HMGCLL1: variants seen among roughly 807,000 people sequenced by gnomAD.
HMGCLL1 encodes 3-hydroxymethyl-3-methylglutaryl-CoA lyase, cytoplasmic.
In HMGCLL1, 36 loss-of-function variants were observed where a neutral mutation model predicts 39.1. The ratio of observed to expected loss-of-function variants is 0.92; its 90% CI spans 0.71 to 1.22. The LOEUF (loss-of-function observed/expected upper bound fraction) is 1.22. HMGCLL1 is among the 50% of genes most tolerant of loss of function. HMGCLL1 has a pLI of 0.00. For missense variants in HMGCLL1, 451 were observed against 416.5 expected (o/e 1.08, Z -0.72); for synonymous variants, 149 against 144.0 (o/e 1.03, Z -0.25).
At chr6:55,604,646 T>C in the HMGCLL1 span, among the ~76,000 whole-genome samples, 1 of 152,178 alleles carries the variant, frequency 6.6e-6, no homozygotes, top group African/African-American at 2.4e-5. Flanking sequence ...AAGTTTTTCT[T>C]AAACTTTTTA....
chr6:55,649,723 C>T, the HMGCLL1 span, among the ~76,000 whole-genome samples: 3 of 151,810 alleles, frequency 2.0e-5, no homozygotes, highest in Non-Finnish European at 4.4e-5. Context: ...TTCAATTTGC[C>T]CTTCTGAGAC....
intron 7 of HMGCLL1, among the ~76,000 whole-genome samples, chr6:55,454,963 G>C (rs374621703): frequency 6.6e-6 from 1 of 151,680 alleles, no homozygotes; most frequent in South Asian, 2.1e-4. Context: ...AAATATTACA[G>C]GCCAGGCACA....
intron 7 of HMGCLL1, among the ~76,000 whole-genome samples, chr6:55,468,364 G>A (rs73746310): frequency 0.029 from 4,452 of 151,984 alleles, 195 homozygotes; most frequent in African/African-American, 0.099. Context: ...CCTTATGGAA[G>A]GTGCTCAATA....
chr6:55,651,054 T>A, the HMGCLL1 span, among the ~76,000 whole-genome samples: 1 of 152,080 alleles, frequency 6.6e-6, no homozygotes, highest in South Asian at 2.1e-4. Flanking sequence ...AGTTGGAACC[T>A]AGGGTGCAAG....
intron 1 of HMGCLL1, chr6:55,577,000 C>A (rs1771789895): frequency 6.4e-7 from 1 of 1,571,566 alleles, no homozygotes; most frequent in African/African-American, 1.3e-5. Flanking sequence ...AAACAGTAAT[C>A]AAATCAGTGA....
chr6:55,525,751 C>G (rs992691901), intron 3 of HMGCLL1, among the ~76,000 whole-genome samples: 5 of 151,968 alleles, frequency 3.3e-5, no homozygotes, highest in African/African-American at 1.2e-4. Flanking sequence ...AGACTGTAAA[C>G]TGGAAATCTG....
intron 1 of HMGCLL1, among the ~76,000 whole-genome samples, chr6:55,568,490 T>A (rs1446329972): frequency 6.6e-6 from 1 of 152,198 alleles, no homozygotes; most frequent in Non-Finnish European, 1.5e-5. Context: ...TATTAATTAA[T>A]AGTGCAAATT....
intron 6 of HMGCLL1, 111 bp downstream of exon 6, chr6:55,499,125 T>G (rs758038309): frequency 1.6e-4 from 123 of 787,152 alleles, no homozygotes; most frequent in Middle Eastern, 6.7e-4. Flanking sequence ...GGTTCGCCTC[T>G]TAATCCATGG....
chr6:55,654,597 T>G, the HMGCLL1 span, among the ~76,000 whole-genome samples: 1 of 151,886 alleles, frequency 6.6e-6, no homozygotes, highest in Admixed American at 6.6e-5. Context: ...GAAGATGATA[T>G]ATTCAATAGC....
At chr6:55,650,057 T>TTTTATATATA in the HMGCLL1 span, among the ~76,000 whole-genome samples, 1 of 76,096 alleles carries the variant, frequency 1.3e-5, no homozygotes, top group Admixed American at 1.7e-4. Context: ...GTCTGAAAGG[T>TTTTATATATA]TATATATATA....
rs757656718 is a variant in HMGCLL1, at chr6:55,435,723, A to G, written c.962T>C (p.Ile321Thr). The change falls in exon 9 of 9, where the codon ATT becomes ACT. Residue 321 changes from isoleucine (I) to threonine (T), a missense_variant. Physicochemically the swap from Ile to Thr is moderately conservative, Grantham distance 89 (BLOSUM62 -1). Coordinates refer to ENST00000274901, the MANE Select transcript of HMGCLL1 (RefSeq NM_001042406.2). ...TGTGGTTTTATTCACAGCTTTGCAA[A>G]TAAAGTCACCAGCTTCCATCACTTT... ...LYKVMEAGDF[I>T]CKAVNKTTNS... is the part of the protein sequence containing the mutation. The G allele has an allele frequency of 5.0e-6, 8 of 1,605,168 alleles. No individual in the cohort carries two copies. The highest frequency in any genetic ancestry group is 2.7e-5 in the African/African-American group (2 of 74,410).
the HMGCLL1 span, among the ~76,000 whole-genome samples, chr6:55,656,020 C>T: frequency 8.5e-5 from 13 of 152,066 alleles, 1 homozygote; most frequent in African/African-American, 3.1e-4. Context: ...CTTTCCTATG[C>T]ACATACTGAT....
the HMGCLL1 span, among the ~76,000 whole-genome samples, chr6:55,643,129 T>A: frequency 1.3e-5 from 2 of 152,060 alleles, no homozygotes; most frequent in African/African-American, 4.8e-5. Flanking sequence ...TATGAAAGAA[T>A]GATTTATATT....
chr6:55,440,604 C>G (rs1430474869), intron 7 of HMGCLL1, among the ~76,000 whole-genome samples: 1 of 152,028 alleles, frequency 6.6e-6, no homozygotes, highest in Non-Finnish European at 1.5e-5. Context: ...TCAGAAGATA[C>G]AGTAAAGCCT....
chr6:55,520,738 T>G (rs1767994286), intron 3 of HMGCLL1, among the ~76,000 whole-genome samples: 1 of 152,084 alleles, frequency 6.6e-6, no homozygotes, highest in Non-Finnish European at 1.5e-5. Context: ...CTACATCTGG[T>G]TTTATTTAAC....
At chr6:55,466,819 A>G (rs545085877) in intron 7 of HMGCLL1, among the ~76,000 whole-genome samples, 17 of 152,182 alleles carry the variant, frequency 1.1e-4, no homozygotes, top group African/African-American at 3.9e-4. Context: ...GAGTTCTAAA[A>G]TACAAATCTG....
intron 7 of HMGCLL1, among the ~76,000 whole-genome samples, chr6:55,467,262 G>A (rs1764832715): frequency 6.7e-6 from 1 of 150,012 alleles, no homozygotes; most frequent in Non-Finnish European, 1.5e-5. Flanking sequence ...TCCTACACAT[G>A]TACATCAACT....
intron 8 of HMGCLL1, among the ~76,000 whole-genome samples, chr6:55,437,011 A>G (rs755243948): frequency 7.2e-5 from 11 of 152,028 alleles, no homozygotes; most frequent in Non-Finnish European, 1.5e-4. Context: ...CCTTTCACTT[A>G]TAAATTACAT....
chr6:55,593,596 G>A, the HMGCLL1 span, among the ~76,000 whole-genome samples: 3 of 152,112 alleles, frequency 2.0e-5, no homozygotes, highest in Admixed American at 2.0e-4. Context: ...TGTTTTAAAC[G>A]TTGTTTTAAT....
Sources: gnomAD v4.1 joint callset for allele counts (sites outside exome capture counted in the v4.1 genomes callset) on GRCh38, gnomAD v4.1.1 for gene constraint, MANE v1.5 for transcripts, NCBI Gene and HGNC (gene_info 2026-07-23, HGNC 2026-07-21) for gene names.